Variants in MTMR8 observed in about 807,000 individuals in gnomAD.
MTMR8 encodes the protein phosphatidylinositol-3,5-bisphosphate 3-phosphatase MTMR8.
Under a neutral mutation model 39.3 loss-of-function variants are expected in MTMR8, and 65 were observed. The observed-to-expected ratio is 1.65, with a 90% confidence interval of 1.35 to 2.03. The LOEUF (loss-of-function observed/expected upper bound fraction) is 2.03, where lower values mean the gene tolerates loss of function less well. MTMR8 is among the 30% of genes most tolerant of loss of function. The pLI is 0.00. For synonymous variants in MTMR8, 245 were observed against 185.2 expected (o/e 1.32, Z -2.62); for missense variants, 777 against 538.9 (o/e 1.44, Z -4.37).
At chrX:64,271,958 C>T (rs1931771220) in intron 12 of MTMR8, among the ~76,000 whole-genome samples, 1 of 112,202 alleles carries the variant, frequency 8.9e-6, no homozygotes, top group Admixed American at 9.4e-5. Flanking sequence ...AAGGGAATGG[C>T]TTTTGTGCCA....
At chrX:64,330,955 C>T (rs772387384) in intron 11 of MTMR8, among the ~76,000 whole-genome samples, 1 of 111,489 alleles carries the variant, frequency 9.0e-6, no homozygotes, top group East Asian at 2.8e-4. Context: ...ACTTTGGGAA[C>T]TCAGAGGGAA....
intron 1 of MTMR8, among the ~76,000 whole-genome samples, chrX:64,393,683 C>A (rs561062354): frequency 9.0e-6 from 1 of 111,506 alleles, no homozygotes; most frequent in Non-Finnish European, 1.9e-5. Flanking sequence ...ATGACATGAT[C>A]CGGAAACAAA....
intron 13 of MTMR8, among the ~76,000 whole-genome samples, chrX:64,269,896 C>A (rs1433657912): frequency 9.0e-6 from 1 of 111,551 alleles, no homozygotes; most frequent in Non-Finnish European, 1.9e-5. Flanking sequence ...AACACATACA[C>A]ACTTCAAAAG....
chrX:64,368,730 A>G (rs920309692), intron 1 of MTMR8, among the ~76,000 whole-genome samples: 1 of 112,185 alleles, frequency 8.9e-6, no homozygotes, highest in African/African-American at 3.2e-5. Flanking sequence ...CACCAAAAGC[A>G]ATGGCAATGA....
chrX:64,384,397 G>A (rs1322892033), intron 1 of MTMR8, among the ~76,000 whole-genome samples: 2 of 111,569 alleles, frequency 1.8e-5, no homozygotes, highest in Non-Finnish European at 3.8e-5. Flanking sequence ...ACTAGGTAGT[G>A]CCCTGGTGGA....
rs1395846429 is a variant in MTMR8 at position 64,304,971 on chromosome X, CAT to C, written c.1481+23799_1481+23800del. 6 of 65,125 alleles carry C rather than the reference CAT, an allele frequency of 9.2e-5. 1 individual carries two copies. In the South Asian group the frequency reaches 2.2e-3, roughly 24 times the overall value. The allele number at this position is 65,125 out of a possible 1,213,427, so 5.4% of individuals were successfully genotyped here. The stretch of plus-strand genomic sequence containing the variant: ...GTATAAACATATATATATGTATATA[CAT>C]ATATATGTATATACATATATACGTA... On this transcript the variant is annotated intron_variant, in intron 12 of 13. Coordinates refer to ENST00000374852, the MANE Select transcript of MTMR8 (RefSeq NM_017677.4).
chrX:64,384,708 A>G (rs1406039730), intron 1 of MTMR8, among the ~76,000 whole-genome samples: 1 of 112,491 alleles, frequency 8.9e-6, no homozygotes, highest in Non-Finnish European at 1.9e-5. Flanking sequence ...TTTGAGAACC[A>G]GTGTCTTAAG....
chrX:64,347,008 T>C (rs1923363322), intron 6 of MTMR8, among the ~76,000 whole-genome samples: 1 of 111,343 alleles, frequency 9.0e-6, no homozygotes, highest in Admixed American at 9.6e-5. Context: ...GGTGCTATAT[T>C]ATCCCCATAA....
intron 12 of MTMR8, chrX:64,305,593 C>T (rs1922082614): frequency 3.9e-6 from 2 of 507,104 alleles, no homozygotes; most frequent in South Asian, 2.4e-5. Context: ...GCTTGAGGTG[C>T]AGCAGTCTGA....
intron 6 of MTMR8, among the ~76,000 whole-genome samples, chrX:64,347,792 C>T (rs991709408): frequency 1.8e-5 from 2 of 112,325 alleles, no homozygotes; most frequent in African/African-American, 6.5e-5. Context: ...TTTTGTGGGA[C>T]ACAATGAGTT....
At chrX:64,281,450 A>G (rs779034173) in intron 12 of MTMR8, among the ~76,000 whole-genome samples, 40 of 112,079 alleles carry the variant, frequency 3.6e-4, no homozygotes, top group Non-Finnish European at 6.0e-4. Flanking sequence ...AGTAATGGAG[A>G]AAGGATTCCT....
chrX:64,317,767 C>T (rs1293469013), intron 12 of MTMR8, among the ~76,000 whole-genome samples: 1 of 112,033 alleles, frequency 8.9e-6, no homozygotes, highest in African/African-American at 3.2e-5. Context: ...TTTTAGCAGG[C>T]TTACTATAAA....
chrX:64,300,213 C>T (rs1190807479), intron 12 of MTMR8, among the ~76,000 whole-genome samples: 3 of 108,990 alleles, frequency 2.8e-5, no homozygotes, highest in Non-Finnish European at 5.7e-5. Flanking sequence ...GTGTGGGAGT[C>T]TAAGTCTCTT....
chrX:64,312,102 C>T (rs888696575), intron 12 of MTMR8, among the ~76,000 whole-genome samples: 21 of 111,053 alleles, frequency 1.9e-4, no homozygotes, highest in Admixed American at 8.6e-4. Context: ...GGCAGTATGG[C>T]CATTTTCACT....
At chrX:64,284,005 T>A (rs909860891) in intron 12 of MTMR8, among the ~76,000 whole-genome samples, 2 of 112,113 alleles carry the variant, frequency 1.8e-5, no homozygotes, top group Non-Finnish European at 3.8e-5. Flanking sequence ...AGAAGAAGGC[T>A]TCAGATGATC....
intron 12 of MTMR8, 53 bp downstream of exon 12, chrX:64,328,719 G>T (rs1341612761): frequency 7.3e-6 from 8 of 1,097,530 alleles, no homozygotes; most frequent in Non-Finnish European, 9.6e-6. Context: ...AAGCAAGGAA[G>T]CTGAGACCCT....
intron 1 of MTMR8, among the ~76,000 whole-genome samples, chrX:64,377,509 C>T (rs762296913): frequency 2.2e-4 from 25 of 112,635 alleles, no homozygotes; most frequent in Non-Finnish European, 3.8e-4. Flanking sequence ...TTAATGACTA[C>T]GCTGCTGGGT....
intron 5 of MTMR8, 84 bp downstream of exon 5, chrX:64,349,858 C>A: frequency 5.8e-6 from 5 of 864,385 alleles, no homozygotes; most frequent in Non-Finnish European, 7.6e-6. Flanking sequence ...TGAGGTCACA[C>A]AGCTACTAAG....
At chrX:64,388,809 G>A (rs181809601) in intron 1 of MTMR8, among the ~76,000 whole-genome samples, 27 of 112,286 alleles carry the variant, frequency 2.4e-4, no homozygotes, top group African/African-American at 4.8e-4. Context: ...AGGGCTTCTC[G>A]GAGCCTTTAA....
Sources: gnomAD v4.1 joint callset for allele counts (sites outside exome capture counted in the v4.1 genomes callset) on GRCh38, gnomAD v4.1.1 for gene constraint, MANE v1.5 for transcripts, NCBI Gene and HGNC (gene_info 2026-07-23, HGNC 2026-07-21) for gene names.